Variants in MAMLD1 observed in about 807,000 individuals in gnomAD.
MAMLD1 encodes the protein mastermind-like domain-containing protein 1.
MAMLD1 carries 14 observed loss-of-function variants against 45.0 expected under a neutral mutation model. The ratio of observed to expected loss-of-function variants is 0.31; its 90% CI spans 0.21 to 0.49. The LOEUF is 0.49. Among genes scored for constraint, MAMLD1 ranks in the 20% least tolerant of loss-of-function variants. The pLI is 0.99. For synonymous variants in MAMLD1, 254 were observed against 247.8 expected, an observed-to-expected ratio of 1.02 and a Z score of -0.24; for missense variants, 543 against 603.6, an observed-to-expected ratio of 0.90 and a Z score of 1.05.
intron 3 of MAMLD1, among the ~76,000 whole-genome samples, chrX:150,464,620 C>G: frequency 8.9e-6 from 1 of 112,119 alleles, no homozygotes; most frequent in South Asian, 3.7e-4. Flanking sequence ...CTCCTCCTCG[C>G]TCTCACTCTC....
rs1220553897 is a variant in MAMLD1, at chrX:150,513,980, T to C, written c.*2021T>C. The stretch of plus-strand genomic sequence containing the variant: ...TGTCTTTGATGGTTTCTATCTGCAA[T>C]TATCGTCATGTATATTTAAGTGTCT... On this transcript the variant is annotated 3_prime_UTR_variant, in exon 8 of 8. Transcript: ENST00000370401. 3.4e-6 allele frequency: 1 copy of C among 293,512 alleles called. No individual in the cohort carries two copies. Among genetic ancestry groups the C allele is most frequent in the African/African-American group, 2.7e-5 (1 of 36,524 alleles). The allele number at this position is 293,512 out of a possible 1,213,427, so 24.2% of individuals were successfully genotyped here. A position where few individuals can be genotyped will look rare whatever the true frequency, so the allele number is the denominator to read the frequency against.
In MAMLD1 at chrX:150,394,129, C is replaced by CTTTTT. The variant is rs781904160; in HGVS notation, c.-64+30620_-64+30624dup. On this transcript the variant is annotated intron_variant, in intron 1 of 7. Transcript: ENST00000370401. ...GGGGTGTAAGGTCTATATCTACATC[C>CTTTTT]TTTTTTTTTTTTTTTTTTTTTTTTT... 1.7e-3 allele frequency among the ~76,000 whole-genome samples: 21 copies of CTTTTT among 12,256 alleles called. 4 individuals are homozygous for CTTTTT. The highest frequency in any genetic ancestry group is 5.8e-3 in the African/African-American group (16 of 2,770). The allele number at this position is 12,256 out of a possible 115,157, so 10.6% of individuals were successfully genotyped here.
chrX:150,435,270 C>G (rs2035083711), intron 1 of MAMLD1, among the ~76,000 whole-genome samples: 1 of 111,682 alleles, frequency 9.0e-6, no homozygotes, highest in East Asian at 2.8e-4. Flanking sequence ...AATCCCAGCA[C>G]TTTGGGAGGC....
At chrX:150,369,848 T>G (rs999346369) in intron 1 of MAMLD1, among the ~76,000 whole-genome samples, 3 of 38,428 alleles carry the variant, frequency 7.8e-5, no homozygotes, top group South Asian at 2.7e-3. Flanking sequence ...AATCCAGCTG[T>G]TTTTTTTTAA....
rs782282958 is a variant in MAMLD1, at chrX:150,420,517, G to T, written c.-63-24937G>T. On this transcript the variant is annotated intron_variant, in intron 1 of 7. Coordinates refer to ENST00000370401, the MANE Select transcript of MAMLD1 (RefSeq NM_005491.5). ...TCCTTTGGAGGAGGAGAGGTGCTCT[G>T]CTTTTTAGAGTTTCCAGTTTTTCTG... is the stretch of plus-strand genomic sequence containing the variant. 2.7e-5 allele frequency among the ~76,000 whole-genome samples: 3 copies of T among 111,952 alleles called. No individual in the cohort carries two copies. In the South Asian group the frequency reaches 1.1e-3, roughly 42 times the overall value.
At chrX:150,378,695 T>C (rs137995421) in intron 1 of MAMLD1, among the ~76,000 whole-genome samples, 12 of 112,311 alleles carry the variant, frequency 1.1e-4, no homozygotes, top group African/African-American at 3.9e-4. Flanking sequence ...CTTTTATTTA[T>C]ATTAGGTTGA....
intron 5 of MAMLD1, among the ~76,000 whole-genome samples, chrX:150,474,245 A>G (rs1557406739): frequency 8.9e-6 from 1 of 112,387 alleles, no homozygotes; most frequent in Non-Finnish European, 1.9e-5. Flanking sequence ...AGTTGCCCAC[A>G]GTCACACAGC....
intron 5 of MAMLD1, among the ~76,000 whole-genome samples, chrX:150,479,094 G>A (rs1157259319): frequency 3.6e-5 from 4 of 111,627 alleles, no homozygotes; most frequent in Non-Finnish European, 7.5e-5. Context: ...TTCTTTTTCG[G>A]TTTCTAAGGG....
intron 5 of MAMLD1, among the ~76,000 whole-genome samples, chrX:150,481,965 AAAG>A (rs2036795507): frequency 7.1e-5 from 1 of 14,116 alleles, no homozygotes; most frequent in Non-Finnish European, 1.2e-4. Context: ...AAGAAAGAAA[AAAG>A]AAAGAAAGAA....
intron 1 of MAMLD1, among the ~76,000 whole-genome samples, chrX:150,371,719 C>T (rs1230354330): frequency 6.2e-5 from 7 of 112,168 alleles, no homozygotes; most frequent in East Asian, 2.8e-4. Flanking sequence ...CCACTCTCAG[C>T]TTCGGCAGCG....
intron 6 of MAMLD1, among the ~76,000 whole-genome samples, chrX:150,506,568 C>T (rs1557408832): frequency 1.8e-5 from 2 of 112,136 alleles, no homozygotes; most frequent in African/African-American, 6.5e-5. Flanking sequence ...GGCTAAAATC[C>T]AGGAACATTT....
chrX:150,394,285 C>A (rs1557402233), intron 1 of MAMLD1, among the ~76,000 whole-genome samples: 1 of 109,056 alleles, frequency 9.2e-6, no homozygotes, highest in African/African-American at 3.4e-5. Context: ...GTTCTCCATT[C>A]TGCTGCATTG....
At chrX:150,476,362 C>T (rs1002210155) in intron 5 of MAMLD1, among the ~76,000 whole-genome samples, 1 of 112,437 alleles carries the variant, frequency 8.9e-6, no homozygotes, top group African/African-American at 3.2e-5. Flanking sequence ...GCAAAAATCG[C>T]GGTTAGGACT....
intron 7 of MAMLD1, 150 bp from the exon 8 acceptor site, chrX:150,511,854 G>A (rs2037908194): frequency 7.4e-6 from 3 of 403,019 alleles, no homozygotes; most frequent in Non-Finnish European, 3.9e-6. Context: ...GGGGAATGGC[G>A]AGGAACTGGG....
At position 150,443,473 on chromosome X, in the gene MAMLD1, ATG is replaced by A. The variant is rs1394159672; in HGVS notation, c.-63-1979_-63-1978del. 1.7e-4 allele frequency among the ~76,000 whole-genome samples: 18 copies of A among 105,263 alleles called. No individual in the cohort carries two copies. The Admixed American group carries it at 1.8e-3, about 10-fold the overall frequency. 91.4% of individuals were successfully genotyped at this position (105,263 alleles called of 115,157 possible). Reference sequence around the variant, plus strand: ...TGCACAATGTGCAGGTTAGTTACATATGTATACATGTGCCATGCTGGTGTGCT... The same window carrying A: ...TGCACAATGTGCAGGTTAGTTACATATATACATGTGCCATGCTGGTGTGCT... On this transcript the variant is annotated intron_variant, in intron 1 of 7. Coordinates refer to ENST00000370401, the MANE Select transcript of MAMLD1 (RefSeq NM_005491.5).
chrX:150,365,198 A>G (rs1158137267), intron 1 of MAMLD1, among the ~76,000 whole-genome samples: 2 of 104,406 alleles, frequency 1.9e-5, no homozygotes, highest in Non-Finnish European at 3.9e-5. Flanking sequence ...GGGAAAAGGG[A>G]CGCAGAGGCA....
chrX:150,368,795 C>T (rs2031731186), intron 1 of MAMLD1, among the ~76,000 whole-genome samples: 1 of 112,148 alleles, frequency 8.9e-6, no homozygotes, highest in Admixed American at 9.4e-5. Context: ...GCCAGTTTTC[C>T]CAGCATCTTT....
At chrX:150,429,259 C>T (rs1455623299) in intron 1 of MAMLD1, among the ~76,000 whole-genome samples, 4 of 110,487 alleles carry the variant, frequency 3.6e-5, no homozygotes, top group African/African-American at 1.3e-4. Context: ...CAGGCTTGGC[C>T]CCTGAAGCAC....
intron 1 of MAMLD1, among the ~76,000 whole-genome samples, chrX:150,412,540 A>G (rs1161427145): frequency 9.0e-6 from 1 of 110,971 alleles, no homozygotes; most frequent in East Asian, 2.8e-4. Flanking sequence ...TCTCACTGGC[A>G]TCTCAAGCTC....
Sources: gnomAD v4.1 joint callset for allele counts (sites outside exome capture counted in the v4.1 genomes callset) on GRCh38, gnomAD v4.1.1 for gene constraint, MANE v1.5 for transcripts, NCBI Gene and HGNC (gene_info 2026-07-23, HGNC 2026-07-21) for gene names.